KCNMA1: variants seen among roughly 807,000 people sequenced by gnomAD.
The protein encoded by KCNMA1 is Calcium-activated potassium channel subunit alpha-1.
Under a neutral mutation model 140.0 loss-of-function variants are expected in KCNMA1, and 29 were observed. The observed-to-expected ratio is 0.21, with a 90% CI of 0.15 to 0.28. The LOEUF (loss-of-function observed/expected upper bound fraction) is 0.28, where lower values mean the gene tolerates loss of function less well. Ranked by LOEUF, KCNMA1 falls within the 10% of genes least tolerant of loss-of-function variation. KCNMA1 has a pLI of 1.00. For synonymous variants in KCNMA1, 612 were observed against 611.9 expected (o/e 1.00, Z 0.00); for missense variants, 880 against 1,602.2 (o/e 0.55, Z 7.70).
chr10:77,160,166 G>C (rs1374886277), intron 5 of KCNMA1, among the ~76,000 whole-genome samples: 4 of 152,122 alleles, frequency 2.6e-5, no homozygotes, highest in Non-Finnish European at 5.9e-5. Flanking sequence ...TCCTGCCCCA[G>C]AGTAAATCCA....
chr10:76,911,854 C>G (rs10824467), intron 24 of KCNMA1: 23,327 of 152,180 alleles, frequency 0.15, 2,834 homozygotes, highest in East Asian at 0.71. Context: ...AACTGGAGAC[C>G]ACATATGGAA....
At chr10:76,988,216 T>C (rs1438033910) in intron 19 of KCNMA1, among the ~76,000 whole-genome samples, 3 of 152,134 alleles carry the variant, frequency 2.0e-5, no homozygotes, top group Non-Finnish European at 2.9e-5. Context: ...AAGAAAGGGA[T>C]AGTGGTAAGG....
intron 2 of KCNMA1, among the ~76,000 whole-genome samples, chr10:77,253,035 C>A (rs914202690): frequency 2.6e-5 from 4 of 152,256 alleles, no homozygotes; most frequent in African/African-American, 9.6e-5. Flanking sequence ...CACACAAAAA[C>A]AAGCAAACAA....
chr10:76,928,082 T>A (rs780316015), intron 23 of KCNMA1, among the ~76,000 whole-genome samples: 1 of 152,112 alleles, frequency 6.6e-6, no homozygotes, highest in Non-Finnish European at 1.5e-5. Context: ...CATCCCTGTT[T>A]ACAAAAGGGA....
At chr10:77,592,819 G>C (rs954291891) in intron 1 of KCNMA1, among the ~76,000 whole-genome samples, 7 of 152,170 alleles carry the variant, frequency 4.6e-5, no homozygotes, top group African/African-American at 1.4e-4. Flanking sequence ...TTTAGAGGAG[G>C]CCTCACAGTC....
chr10:77,427,118 T>C (rs1361590477), intron 1 of KCNMA1, among the ~76,000 whole-genome samples: 6 of 152,210 alleles, frequency 3.9e-5, no homozygotes, highest in Admixed American at 3.9e-4. Context: ...TGCACAGCAA[T>C]TCTTCCCAAA....
At chr10:77,298,049 A>G (rs531050229) in intron 2 of KCNMA1, among the ~76,000 whole-genome samples, 13 of 152,240 alleles carry the variant, frequency 8.5e-5, no homozygotes, top group Middle Eastern at 3.4e-3. Flanking sequence ...TTGTCAAGAA[A>G]CTGGCAACCT....
intron 3 of KCNMA1, among the ~76,000 whole-genome samples, chr10:77,241,541 G>T (rs533584): frequency 0.8 from 120,756 of 151,784 alleles, 48,688 homozygotes; most frequent in East Asian, 0.95. Context: ...CCAGCTACTC[G>T]GAAAGCTAAG....
intron 1 of KCNMA1, among the ~76,000 whole-genome samples, chr10:77,481,412 G>T (rs1254519669): frequency 6.6e-6 from 1 of 152,120 alleles, no homozygotes; most frequent in Admixed American, 6.5e-5. Flanking sequence ...CAAGTCCAAG[G>T]AAATGCTCAA....
chr10:77,269,025 T>C (rs542714434), intron 2 of KCNMA1, among the ~76,000 whole-genome samples: 71 of 152,208 alleles, frequency 4.7e-4, no homozygotes, highest in African/African-American at 1.7e-3. Context: ...TAAGCTGCTT[T>C]CCCACTGCAC....
intron 3 of KCNMA1, among the ~76,000 whole-genome samples, chr10:77,213,840 A>T (rs2046883952): frequency 6.6e-6 from 1 of 152,060 alleles, no homozygotes; most frequent in Non-Finnish European, 1.5e-5. Flanking sequence ...CCATTCATCA[A>T]CAGCAACCTC....
At chr10:77,328,401 C>T (rs866129223) in intron 2 of KCNMA1, among the ~76,000 whole-genome samples, 3 of 152,154 alleles carry the variant, frequency 2.0e-5, no homozygotes, top group African/African-American at 4.8e-5. Flanking sequence ...GTTACCCATC[C>T]GCAGATTATC....
chr10:77,134,199 C>G (rs2097923932), intron 5 of KCNMA1, among the ~76,000 whole-genome samples: 1 of 152,156 alleles, frequency 6.6e-6, no homozygotes, highest in East Asian at 1.9e-4. Flanking sequence ...AGGAGTCATA[C>G]AATCTTTGAA....
At position 77,329,010 on chromosome 10, in the gene KCNMA1, T is replaced by G. The variant is rs866925403; in HGVS notation, c.540+74852A>C. ...CGCCTGCCACCATGCCCGGCTAATT[T>G]TTTGTATTTTTAGTATGGACAGGGT... On this transcript the variant is annotated intron_variant, in intron 2 of 27. Coordinates refer to ENST00000286628, the MANE Select transcript of KCNMA1 (RefSeq NM_001161352.2). Among the ~76,000 whole-genome samples the G allele has an allele frequency of 2.4e-4, 37 of 152,090 alleles. 1 individual carries two copies. The South Asian group carries it at 3.8e-3, about 15-fold the overall frequency.
chr10:76,922,364 A>C (rs536313607), intron 23 of KCNMA1, among the ~76,000 whole-genome samples: 4 of 152,286 alleles, frequency 2.6e-5, no homozygotes, highest in Non-Finnish European at 5.9e-5. Flanking sequence ...CCTTCTATGC[A>C]TAAGAAACCC....
intron 1 of KCNMA1, among the ~76,000 whole-genome samples, chr10:77,540,004 A>T (rs911861278): frequency 6.6e-6 from 1 of 152,140 alleles, no homozygotes; most frequent in Non-Finnish European, 1.5e-5. Flanking sequence ...GTTGTGCAAA[A>T]ACAACTCCTT....
At chr10:77,300,735 C>G (rs2076334107) in intron 2 of KCNMA1, among the ~76,000 whole-genome samples, 2 of 152,186 alleles carry the variant, frequency 1.3e-5, no homozygotes, top group Non-Finnish European at 1.5e-5. Context: ...AATTTTGCAG[C>G]ATAGTCTCTA....
At chr10:77,559,345 G>A (rs943131303) in intron 1 of KCNMA1, among the ~76,000 whole-genome samples, 2 of 152,204 alleles carry the variant, frequency 1.3e-5, no homozygotes, top group African/African-American at 4.8e-5. Flanking sequence ...ATGATCCAGC[G>A]ACTGAAGGGT....
intron 1 of KCNMA1, among the ~76,000 whole-genome samples, chr10:77,419,563 T>C (rs1171055301): frequency 1.3e-5 from 2 of 152,154 alleles, no homozygotes; most frequent in Non-Finnish European, 2.9e-5. Flanking sequence ...GAAGGGATGG[T>C]CAGGGAAGCT....
Sources: allele counts gnomAD v4.1 joint callset (sites outside exome capture counted in the v4.1 genomes callset), GRCh38; gene constraint gnomAD v4.1.1; transcripts MANE v1.5; gene names NCBI Gene and HGNC (gene_info 2026-07-23, HGNC 2026-07-21).